ERC1: variants seen among roughly 807,000 people sequenced by gnomAD.
The protein encoded by ERC1 is RAB6 interacting protein 2.
ERC1 carries 56 observed loss-of-function variants against 132.0 expected under a neutral mutation model. The observed-to-expected ratio is 0.42, with a 90% CI of 0.34 to 0.53. The LOEUF is 0.53. Ranked by LOEUF, ERC1 falls within the 20% of genes least tolerant of loss-of-function variation. The probability of loss-of-function intolerance (pLI) is 0.03; values close to 1 mark genes in which losing one functional copy is unlikely to be tolerated. For missense variants in ERC1, 1,202 were observed against 1,349.9 expected, an observed-to-expected ratio of 0.89 and a Z score of 1.72; for synonymous variants, 478 against 476.1, an observed-to-expected ratio of 1.00 and a Z score of -0.05.
At chr12:1,071,985 C>T (rs1940456551) in intron 2 of ERC1, among the ~76,000 whole-genome samples, 4 of 151,870 alleles carry the variant, frequency 2.6e-5, no homozygotes, top group South Asian at 2.1e-4. Flanking sequence ...CCTGTAATCT[C>T]GGCTACTTGG....
chr12:1,263,926 G>C (rs1219936509), intron 14 of ERC1, among the ~76,000 whole-genome samples: 2 of 151,880 alleles, frequency 1.3e-5, no homozygotes, highest in Non-Finnish European at 2.9e-5. Flanking sequence ...CTGACCTCAG[G>C]TGATCCACCT....
At chr12:1,314,004 TA>T (rs1359915345) in intron 15 of ERC1, among the ~76,000 whole-genome samples, 1 of 141,570 alleles carries the variant, frequency 7.1e-6, no homozygotes, top group East Asian at 2.0e-4. Context: ...AATAATAAAT[TA>T]AATTAAATTA....
At chr12:1,117,997 T>G (rs1946636212) in intron 7 of ERC1, among the ~76,000 whole-genome samples, 1 of 152,248 alleles carries the variant, frequency 6.6e-6, no homozygotes. Context: ...AATACAGGCA[T>G]ACAATGTGAA....
chr12:1,110,148 G>T, intron 4 of ERC1, 44 bp from the exon 5 acceptor site: 5 of 1,516,130 alleles, frequency 3.3e-6, no homozygotes, highest in Non-Finnish European at 4.5e-6. Context: ...GCTTTTCTGG[G>T]TTTTTGTGAA....
intron 9 of ERC1, 94 bp from the exon 10 acceptor site, chr12:1,181,831 G>T: frequency 1.7e-5 from 20 of 1,176,578 alleles, no homozygotes; most frequent in Non-Finnish European, 2.0e-5. Context: ...ATTGTCTTTT[G>T]AATATAGAAG....
At chr12:1,070,775 C>T (rs1461448933) in intron 2 of ERC1, among the ~76,000 whole-genome samples, 1 of 152,160 alleles carries the variant, frequency 6.6e-6, no homozygotes, top group African/African-American at 2.4e-5. Context: ...TGACAAATGC[C>T]AACACCCGTG....
intron 1 of ERC1, among the ~76,000 whole-genome samples, chr12:1,022,028 G>A (rs958439978): frequency 6.6e-6 from 1 of 152,170 alleles, no homozygotes; most frequent in African/African-American, 2.4e-5. Flanking sequence ...GATACACTGT[G>A]AAAATAAGCT....
chr12:1,367,233 G>C (rs752590648), intron 15 of ERC1, among the ~76,000 whole-genome samples: 1 of 152,190 alleles, frequency 6.6e-6, no homozygotes, highest in African/African-American at 2.4e-5. Context: ...CTAGATTTCA[G>C]ATTTATCTTA....
At chr12:1,022,916 C>T in intron 1 of ERC1, among the ~76,000 whole-genome samples, 1 of 152,280 alleles carries the variant, frequency 6.6e-6, no homozygotes, top group East Asian at 1.9e-4. Context: ...CCGCGCCCAG[C>T]CTAGATCTGA....
chr12:1,261,364 T>G (rs907327706), intron 13 of ERC1, among the ~76,000 whole-genome samples: 1 of 152,200 alleles, frequency 6.6e-6, no homozygotes, highest in Non-Finnish European at 1.5e-5. Context: ...TAATGTTTCT[T>G]TATGCTTCTT....
chr12:1,279,184 G>A (rs1050001261), intron 14 of ERC1, among the ~76,000 whole-genome samples: 7 of 151,822 alleles, frequency 4.6e-5, no homozygotes, highest in African/African-American at 1.2e-4. Context: ...TTTAGAAATC[G>A]AGTTGACAGA....
chr12:1,294,698 G>A (rs557650932), intron 15 of ERC1, among the ~76,000 whole-genome samples: 49 of 152,252 alleles, frequency 3.2e-4, no homozygotes, highest in Admixed American at 1.8e-3. Context: ...GTTAATTATT[G>A]TAGGTAGGTA....
intron 15 of ERC1, among the ~76,000 whole-genome samples, chr12:1,361,983 G>A (rs572300191): frequency 3.3e-5 from 5 of 152,210 alleles, no homozygotes; most frequent in Middle Eastern, 3.4e-3. Context: ...CATGCAGTTC[G>A]TTATTTGCTT....
intron 5 of ERC1, among the ~76,000 whole-genome samples, chr12:1,111,341 A>G (rs554599188): frequency 1.3e-5 from 2 of 152,330 alleles, no homozygotes; most frequent in African/African-American, 4.8e-5. Flanking sequence ...TATGATTGTA[A>G]TTATAAAGTT....
chr12:1,134,728 CT>C (rs201981125), intron 7 of ERC1, among the ~76,000 whole-genome samples: 15,221 of 135,938 alleles, frequency 0.11, 1,012 homozygotes, highest in East Asian at 0.23. Context: ...TCCTCAGTAA[CT>C]TTTTTTTTTT....
intron 17 of ERC1, among the ~76,000 whole-genome samples, chr12:1,420,047 G>A (rs2092360596): frequency 6.6e-6 from 1 of 151,978 alleles, no homozygotes; most frequent in Non-Finnish European, 1.5e-5. Flanking sequence ...GGGCTTATTT[G>A]TTTGTTTATT....
At chr12:1,097,510 G>A (rs1944186805) in intron 3 of ERC1, among the ~76,000 whole-genome samples, 1 of 152,038 alleles carries the variant, frequency 6.6e-6, no homozygotes, top group South Asian at 2.1e-4. Context: ...ATTTTTCCCA[G>A]CCCTATGGGG....
At chr12:1,143,585 CT>C (rs5795961) in intron 8 of ERC1, among the ~76,000 whole-genome samples, 7,683 of 143,262 alleles carry the variant, frequency 0.054, 637 homozygotes, top group African/African-American at 0.18. Flanking sequence ...AGTGCCCTAG[CT>C]TTTTTTTTTT....
chr12:1,425,116 G>A (rs894467458), intron 17 of ERC1, among the ~76,000 whole-genome samples: 3 of 152,104 alleles, frequency 2.0e-5, no homozygotes, highest in Admixed American at 6.5e-5. Context: ...GAGTAGAACA[G>A]GGTTAGAATT....
Sources: allele counts gnomAD v4.1 joint callset (sites outside exome capture counted in the v4.1 genomes callset), GRCh38; gene constraint gnomAD v4.1.1; transcripts MANE v1.5; gene names NCBI Gene and HGNC (gene_info 2026-07-23, HGNC 2026-07-21).